The following KIAA1217 variants were observed in gnomAD, a reference collection of about 807,000 sequenced individuals.
KIAA1217 encodes the protein sickle tail protein homolog.
KIAA1217 carries 88 observed loss-of-function variants against 163.9 expected under a neutral mutation model. The observed-to-expected ratio is 0.54, with a 90% confidence interval of 0.45 to 0.64. The LOEUF (loss-of-function observed/expected upper bound fraction) is 0.64, where lower values mean the gene tolerates loss of function less well. Ranked by LOEUF, KIAA1217 falls within the 30% of genes least tolerant of loss-of-function variation. The pLI, the probability that KIAA1217 is intolerant of heterozygous loss-of-function variation, is 0.00. For synonymous variants in KIAA1217, 903 were observed against 923.1 expected (o/e 0.98, Z 0.39); for missense variants, 2,372 against 2,475.0 (o/e 0.96, Z 0.88).
At chr10:24,225,955 A>G (rs2070460823) in intron 2 of KIAA1217, among the ~76,000 whole-genome samples, 1 of 152,224 alleles carries the variant, frequency 6.6e-6, no homozygotes. Context: ...ACTATTTCTA[A>G]TACAGTTAGA....
At chr10:24,265,985 C>T (rs993265567) in intron 2 of KIAA1217, among the ~76,000 whole-genome samples, 3 of 151,652 alleles carry the variant, frequency 2.0e-5, no homozygotes, top group Non-Finnish European at 2.9e-5. Context: ...AATAAAATTC[C>T]AAAGAGAAAA....
At chr10:24,238,726 G>C (rs141943398) in intron 2 of KIAA1217, among the ~76,000 whole-genome samples, 16 of 152,228 alleles carry the variant, frequency 1.1e-4, no homozygotes, top group African/African-American at 3.6e-4. Context: ...ATCAATTGAA[G>C]GTTTTTCAAG....
At chr10:24,282,482 T>C (rs1378510250) in intron 2 of KIAA1217, among the ~76,000 whole-genome samples, 6 of 152,168 alleles carry the variant, frequency 3.9e-5, no homozygotes, top group African/African-American at 1.4e-4. Context: ...TCCCCCTGTG[T>C]TTATTTATTC....
At chr10:24,153,350 G>A (rs139116577) in intron 2 of KIAA1217, among the ~76,000 whole-genome samples, 28 of 152,276 alleles carry the variant, frequency 1.8e-4, no homozygotes, top group African/African-American at 5.8e-4. Context: ...CTGTGTTTTC[G>A]AGAGACATTT....
intron 2 of KIAA1217, among the ~76,000 whole-genome samples, chr10:24,335,567 T>A (rs2046240170): frequency 2.0e-5 from 3 of 149,896 alleles, no homozygotes; most frequent in African/African-American, 7.4e-5. Context: ...TACTTTATTT[T>A]ATTTAATTTT....
At chr10:24,238,445 C>T (rs922057022) in intron 2 of KIAA1217, among the ~76,000 whole-genome samples, 1 of 152,066 alleles carries the variant, frequency 6.6e-6, no homozygotes, top group African/African-American at 2.4e-5. Context: ...TATCTTAGAG[C>T]CTACGGACCA....
intron 2 of KIAA1217, among the ~76,000 whole-genome samples, chr10:24,087,141 A>G (rs2061725137): frequency 6.6e-6 from 1 of 152,220 alleles, no homozygotes; most frequent in African/African-American, 2.4e-5. Flanking sequence ...GGGAGAAAAA[A>G]TTAGTGAGAT....
intron 1 of KIAA1217, among the ~76,000 whole-genome samples, chr10:23,995,450 CTGTGTGTGTGTG>C (rs58865993): frequency 1.4e-5 from 2 of 147,724 alleles, no homozygotes; most frequent in African/African-American, 2.5e-5. Flanking sequence ...CAATTATGGC[CTGTGTGTGTGTG>C]TGTGTGTGTG....
At chr10:23,980,273 T>A (rs143583231) in intron 1 of KIAA1217, among the ~76,000 whole-genome samples, 1 of 152,276 alleles carries the variant, frequency 6.6e-6, no homozygotes, top group Non-Finnish European at 1.5e-5. Flanking sequence ...GCTGACAGGT[T>A]TCAATGTCAG....
chr10:24,227,679 C>T (rs1232620256), intron 2 of KIAA1217, among the ~76,000 whole-genome samples: 1 of 151,890 alleles, frequency 6.6e-6, no homozygotes, highest in Non-Finnish European at 1.5e-5. Flanking sequence ...ACTACAGGCG[C>T]CCGCCACCAT....
chr10:24,298,834 G>A (rs1209697300), intron 2 of KIAA1217, among the ~76,000 whole-genome samples: 1 of 151,966 alleles, frequency 6.6e-6, no homozygotes. Flanking sequence ...AAAATAAATA[G>A]TAAGAGCATA....
chr10:23,938,317 G>C (rs922621242), intron 1 of KIAA1217, among the ~76,000 whole-genome samples: 2 of 152,060 alleles, frequency 1.3e-5, no homozygotes, highest in Non-Finnish European at 2.9e-5. Context: ...AATAAAGTCT[G>C]CTCCAGTGCA....
chr10:23,866,021 A>G (rs1192910174), intron 1 of KIAA1217, among the ~76,000 whole-genome samples: 2 of 152,164 alleles, frequency 1.3e-5, no homozygotes, highest in African/African-American at 2.4e-5. Flanking sequence ...TCGAACATAC[A>G]TATGCTGTAT....
At chr10:24,115,353 C>T (rs764681265) in intron 2 of KIAA1217, among the ~76,000 whole-genome samples, 4 of 152,110 alleles carry the variant, frequency 2.6e-5, no homozygotes, top group Admixed American at 6.6e-5. Context: ...AAAAATGAAG[C>T]ATTATTTGGG....
intron 2 of KIAA1217, among the ~76,000 whole-genome samples, chr10:24,328,517 G>A (rs1347897065): frequency 6.6e-6 from 1 of 150,606 alleles, no homozygotes; most frequent in Non-Finnish European, 1.5e-5. Flanking sequence ...TTTTTCAAAA[G>A]AAACCATAAA....
intron 1 of KIAA1217, among the ~76,000 whole-genome samples, chr10:23,736,719 T>C (rs1447704049): frequency 6.6e-6 from 1 of 151,970 alleles, no homozygotes; most frequent in Non-Finnish European, 1.5e-5. Flanking sequence ...AGAGATGGAG[T>C]CTTGCTGTGT....
Position 23,966,452 on chromosome 10 carries a change from G to A in KIAA1217, c.-320-40773G>A, listed in dbSNP as rs143983957. Among the ~76,000 whole-genome samples the A allele has an allele frequency of 2.9e-3, 449 of 152,218 alleles. 1 individual carries two copies. The highest frequency in any genetic ancestry group is 0.01 in the African/African-American group (435 of 41,538). On this transcript the variant is annotated intron_variant, in intron 1 of 18. Transcript: ENST00000376462. The stretch of plus-strand genomic sequence containing the variant: ...TACCAACCCACCAGGGTGGGCTGCC[G>A]CCAGTATGACACACGTGTGCTCTCT...
At chr10:23,902,923 G>C (rs1294599180) in intron 1 of KIAA1217, among the ~76,000 whole-genome samples, 1 of 152,094 alleles carries the variant, frequency 6.6e-6, no homozygotes, top group Non-Finnish European at 1.5e-5. Flanking sequence ...ATGCCAGAAA[G>C]AGAGTCTTGA....
rs908075794 is a variant in KIAA1217, at chr10:24,492,906, C to T, written c.1680-1594C>T. 1.2e-4 allele frequency among the ~76,000 whole-genome samples: 18 copies of T among 151,682 alleles called. 1 individual carries two copies. The highest frequency in any genetic ancestry group is 1.8e-4 in the Non-Finnish European group (12 of 67,916). On this transcript the variant is annotated intron_variant, in intron 6 of 20. Coordinates refer to ENST00000376454, the MANE Select transcript of KIAA1217 (RefSeq NM_019590.5). ...TGTCACCCAGGATGGAGTGCAGTGG[C>T]GCGATCTCAGCTCACTGTAGCCTCC...
Sources: gnomAD v4.1 joint callset for allele counts (sites outside exome capture counted in the v4.1 genomes callset) on GRCh38, gnomAD v4.1.1 for gene constraint, MANE v1.5 for transcripts, NCBI Gene and HGNC (gene_info 2026-07-23, HGNC 2026-07-21) for gene names.